Variants in CCSER1 observed in about 807,000 individuals in gnomAD.
CCSER1 encodes serine-rich coiled-coil domain-containing protein 1.
CCSER1 carries 41 observed loss-of-function variants against 82.0 expected under a neutral mutation model. That is an observed-to-expected ratio of 0.50 (90% CI 0.39 to 0.65). The LOEUF is 0.65. Among genes scored for constraint, CCSER1 ranks in the 30% least tolerant of loss-of-function variants. CCSER1 has a pLI of 0.00. For synonymous variants in CCSER1, 414 were observed against 383.9 expected, an observed-to-expected ratio of 1.08 and a Z score of -0.92; for missense variants, 1,119 against 1,064.2, an observed-to-expected ratio of 1.05 and a Z score of -0.72.
chr4:91,108,451 G>A (rs1171637297), intron 10 of CCSER1, among the ~76,000 whole-genome samples: 2 of 152,124 alleles, frequency 1.3e-5, no homozygotes, highest in Admixed American at 1.3e-4. Flanking sequence ...GATTAAAAAT[G>A]AGCAAGTTAA....
chr4:91,050,964 A>G (rs1742959273), intron 9 of CCSER1, among the ~76,000 whole-genome samples: 1 of 152,288 alleles, frequency 6.6e-6, no homozygotes, highest in Admixed American at 6.5e-5. Context: ...AGGAAAAAGC[A>G]TGGGGATTTT....
chr4:91,266,136 T>A (rs527732799), intron 10 of CCSER1, among the ~76,000 whole-genome samples: 2 of 152,278 alleles, frequency 1.3e-5, no homozygotes, highest in South Asian at 2.1e-4. Context: ...GAAACTACAA[T>A]GCAAGATGAG....
At chr4:91,477,305 A>G (rs939696948) in intron 10 of CCSER1, among the ~76,000 whole-genome samples, 3 of 151,710 alleles carry the variant, frequency 2.0e-5, no homozygotes, top group African/African-American at 7.2e-5. Flanking sequence ...TTGTTTTCAG[A>G]TAATTTTTAA....
chr4:90,545,739 A>C lies in CCSER1; in HGVS notation c.1724+77385A>C, dbSNP rs140606745. ...CATGAATATCTTTCCTTGATATCTC[A>C]TAGTAAACTTCGGAACATTTAAAAA... On this transcript the variant is annotated intron_variant, in intron 5 of 10. Transcript: ENST00000509176. Among the ~76,000 whole-genome samples, 490 of 152,276 alleles carry C rather than the reference A, an allele frequency of 3.2e-3. 5 individuals are homozygous for C. The highest frequency in any genetic ancestry group is 0.032 in the South Asian group (155 of 4,832).
intron 9 of CCSER1, among the ~76,000 whole-genome samples, chr4:91,064,957 T>C (rs1720649615): frequency 1.3e-5 from 2 of 152,168 alleles, no homozygotes; most frequent in African/African-American, 4.8e-5. Flanking sequence ...GTTTTCAATT[T>C]TTTTTTTCAG....
chr4:91,462,088 T>G (rs1756535483), intron 10 of CCSER1, among the ~76,000 whole-genome samples: 1 of 152,078 alleles, frequency 6.6e-6, no homozygotes, highest in South Asian at 2.1e-4. Flanking sequence ...TGTTTAAGAG[T>G]GAAACTTTTC....
At chr4:91,217,317 T>C (rs1309504147) in intron 10 of CCSER1, among the ~76,000 whole-genome samples, 1 of 152,206 alleles carries the variant, frequency 6.6e-6, no homozygotes, top group Admixed American at 6.5e-5. Flanking sequence ...TAGAGCCCAG[T>C]GGCCTGTTTT....
At chr4:91,246,562 G>A (rs1214264000) in intron 10 of CCSER1, among the ~76,000 whole-genome samples, 1 of 152,070 alleles carries the variant, frequency 6.6e-6, no homozygotes, top group Non-Finnish European at 1.5e-5. Flanking sequence ...AAGGAAATCA[G>A]TATATCAAAC....
At chr4:91,555,745 TTA>T (rs765127014) in intron 10 of CCSER1, among the ~76,000 whole-genome samples, 3 of 151,208 alleles carry the variant, frequency 2.0e-5, no homozygotes, top group Non-Finnish European at 4.4e-5. Context: ...TCATCTTATT[TTA>T]TGTTTTTACT....
chr4:90,729,389 T>G (rs1304810039), intron 7 of CCSER1, among the ~76,000 whole-genome samples: 1 of 152,242 alleles, frequency 6.6e-6, no homozygotes, highest in African/African-American at 2.4e-5. Context: ...CTACAAGTCA[T>G]GCTATTTATT....
intron 9 of CCSER1, among the ~76,000 whole-genome samples, chr4:91,052,077 T>C (rs558159646): frequency 1.3e-5 from 2 of 152,210 alleles, no homozygotes; most frequent in African/African-American, 2.4e-5. Context: ...AAATAATTTT[T>C]TGATATAATT....
chr4:90,790,509 C>T (rs921531423), intron 7 of CCSER1, among the ~76,000 whole-genome samples: 6 of 151,134 alleles, frequency 4.0e-5, no homozygotes, highest in Non-Finnish European at 8.8e-5. Context: ...TTTCTTTTAT[C>T]TTTTACTAAT....
At chr4:90,161,409 C>T (rs1007470491) in intron 1 of CCSER1, among the ~76,000 whole-genome samples, 13 of 151,990 alleles carry the variant, frequency 8.6e-5, no homozygotes, top group South Asian at 2.1e-4. Flanking sequence ...TTGCAGATGA[C>T]GAAAATGAAA....
chr4:90,241,122 G>A (rs574121185), intron 1 of CCSER1, among the ~76,000 whole-genome samples: 17 of 152,108 alleles, frequency 1.1e-4, no homozygotes, highest in African/African-American at 3.9e-4. Context: ...TTGATGATAG[G>A]GCACTAAGGA....
At chr4:90,492,147 T>C (rs1461654985) in intron 5 of CCSER1, among the ~76,000 whole-genome samples, 1 of 152,164 alleles carries the variant, frequency 6.6e-6, no homozygotes, top group Admixed American at 6.6e-5. Flanking sequence ...TGTCTGGTCC[T>C]GGACTTTTTT....
chr4:90,787,652 G>A (rs1754699167), intron 7 of CCSER1, among the ~76,000 whole-genome samples: 1 of 152,106 alleles, frequency 6.6e-6, no homozygotes, highest in Admixed American at 6.6e-5. Flanking sequence ...TTTTTCCCAT[G>A]TCTGGAGGTG....
At chr4:91,595,943 T>TAAAAAAAAAAAAAAAAAAAAAAAAAAAAA (rs1170927227) in intron 10 of CCSER1, among the ~76,000 whole-genome samples, 1 of 78,868 alleles carries the variant, frequency 1.3e-5, no homozygotes, top group African/African-American at 5.3e-5. Flanking sequence ...ACAGAGAACT[T>TAAAAAAAAAAAAAAAAAAAAAAAAAAAAA]AAAAAAAAAA....
chr4:90,972,123 T>C (rs1377846316), intron 9 of CCSER1, among the ~76,000 whole-genome samples: 1 of 151,802 alleles, frequency 6.6e-6, no homozygotes, highest in Non-Finnish European at 1.5e-5. Context: ...AACATAATGC[T>C]GTATGTCCTA....
At position 90,173,893 on chromosome 4, in the gene CCSER1, C is replaced by G. The variant is rs531252224; in HGVS notation, c.-42+46062C>G. On this transcript the variant is annotated intron_variant, in intron 1 of 10. Coordinates refer to ENST00000509176, the MANE Select transcript of CCSER1 (RefSeq NM_001145065.2). ...TGGCAGACATCACATCTGATTAACTCAGCCTTACCATGGAGATGACTTAGT... is the reference window on the plus strand; with the variant it reads ...TGGCAGACATCACATCTGATTAACTGAGCCTTACCATGGAGATGACTTAGT... Among the ~76,000 whole-genome samples the G allele has an allele frequency of 3.9e-5, 6 of 151,984 alleles. No homozygotes were observed. The South Asian group carries it at 1.0e-3, about 26-fold the overall frequency.
Sources: allele counts gnomAD v4.1 joint callset (sites outside exome capture counted in the v4.1 genomes callset), GRCh38; gene constraint gnomAD v4.1.1; transcripts MANE v1.5; gene names NCBI Gene and HGNC (gene_info 2026-07-23, HGNC 2026-07-21).